The following KAZN variants were observed in gnomAD, a reference collection of about 807,000 sequenced individuals.
KAZN encodes kazrin.
KAZN carries 40 observed loss-of-function variants against 87.4 expected under a neutral mutation model. That is an observed-to-expected ratio of 0.46 (90% CI 0.36 to 0.60). The LOEUF (loss-of-function observed/expected upper bound fraction) is 0.60, where lower values mean the gene tolerates loss of function less well. Ranked by LOEUF, KAZN falls within the 20% of genes least tolerant of loss-of-function variation. KAZN has a pLI of 0.00. For synonymous variants in KAZN, 466 were observed against 458.3 expected (o/e 1.02, Z -0.22); for missense variants, 898 against 1,073.9 (o/e 0.84, Z 2.29).
chr1:14,722,966 T>G (rs1029441080), intron 1 of KAZN, among the ~76,000 whole-genome samples: 3 of 151,998 alleles, frequency 2.0e-5, no homozygotes, highest in African/African-American at 7.2e-5. Context: ...ACAAAAAATT[T>G]TTTTAAAAAC....
At chr1:14,159,014 C>A (rs967619666) in intron 1 of KAZN, among the ~76,000 whole-genome samples, 3 of 152,052 alleles carry the variant, frequency 2.0e-5, no homozygotes, top group Admixed American at 6.5e-5. Context: ...GACACAAGTA[C>A]TCCTGTGGCC....
chr1:14,410,333 C>T (rs1664206435), intron 2 of KAZN, among the ~76,000 whole-genome samples: 1 of 152,178 alleles, frequency 6.6e-6, no homozygotes, highest in Admixed American at 6.5e-5. Flanking sequence ...AACTCATAGC[C>T]TTAAGTGATC....
intron 1 of KAZN, among the ~76,000 whole-genome samples, chr1:14,163,720 C>T (rs1414197756): frequency 6.6e-6 from 1 of 152,216 alleles, no homozygotes; most frequent in East Asian, 1.9e-4. Context: ...GGTTGCCTGA[C>T]ATTCCTGCGT....
chr1:15,030,966 G>C (rs546996626), intron 2 of KAZN, among the ~76,000 whole-genome samples: 3 of 152,362 alleles, frequency 2.0e-5, no homozygotes, highest in Admixed American at 2.0e-4. Flanking sequence ...CCTTCCACCT[G>C]GGGAGCTTAT....
intron 2 of KAZN, among the ~76,000 whole-genome samples, chr1:14,189,460 A>G (rs1646379031): frequency 6.6e-6 from 1 of 152,160 alleles, no homozygotes; most frequent in African/African-American, 2.4e-5. Flanking sequence ...AGCTACTTCT[A>G]TACTTCCTGT....
chr1:14,453,784 C>T (rs191391731), intron 2 of KAZN, among the ~76,000 whole-genome samples: 6 of 152,014 alleles, frequency 3.9e-5, no homozygotes, highest in Admixed American at 1.3e-4. Context: ...TGTGGTGAGC[C>T]GAGATTGCAC....
chr1:14,917,197 A>G (rs1383970807), intron 1 of KAZN, among the ~76,000 whole-genome samples: 1 of 152,120 alleles, frequency 6.6e-6, no homozygotes, highest in African/African-American at 2.4e-5. Flanking sequence ...GGCAGGGTGG[A>G]CCCCGAGTAA....
At position 14,965,982 on chromosome 1, in the gene KAZN, C is replaced by CTTT. The variant is rs71306999; in HGVS notation, c.418+5122_418+5124dup. Reference sequence around the variant, plus strand: ...TTATCTTTTTCTTTCCTTTCCTTTTCTTTTTTTTTTTTTTTTTGAGATAGT... The same window carrying CTTT: ...TTATCTTTTTCTTTCCTTTCCTTTTCTTTTTTTTTTTTTTTTTTTTGAGATAGT... On this transcript the variant is annotated intron_variant, in intron 2 of 14. Coordinates refer to ENST00000376030, the MANE Select transcript of KAZN (RefSeq NM_201628.3). 5.3e-4 allele frequency among the ~76,000 whole-genome samples: 69 copies of CTTT among 129,170 alleles called. 1 individual carries two copies. Among genetic ancestry groups the CTTT allele is most frequent in the African/African-American group, 1.7e-3 (57 of 33,790 alleles). 84.7% of individuals were successfully genotyped at this position (129,170 alleles called of 152,430 possible).
chr1:14,334,459 C>T (rs893131008), intron 2 of KAZN, among the ~76,000 whole-genome samples: 2 of 151,554 alleles, frequency 1.3e-5, no homozygotes, highest in Admixed American at 6.6e-5. Flanking sequence ...TTGGCTTTCA[C>T]CCTGCAGAAA....
chr1:13,955,520 G>A (rs963073584), intron 1 of KAZN, among the ~76,000 whole-genome samples: 11 of 151,870 alleles, frequency 7.2e-5, no homozygotes, highest in African/African-American at 2.2e-4. Flanking sequence ...AGGGATTTTG[G>A]TCTTTCAGGA....
chr1:15,051,774 C>G lies in KAZN; in HGVS notation c.727-4317C>G, dbSNP rs115768119. 1.8e-3 allele frequency among the ~76,000 whole-genome samples: 273 copies of G among 152,322 alleles called. 1 individual carries two copies. Among genetic ancestry groups the G allele is most frequent in the Non-Finnish European group, 3.2e-3 (220 of 68,020 alleles). On this transcript the variant is annotated intron_variant, in intron 4 of 14. Transcript: ENST00000376030. ...GGCCTGGCCACCTCATCACACAACTCCAGAGGGTGCTGCTTACATAAACAT... is the reference window on the plus strand; with the variant it reads ...GGCCTGGCCACCTCATCACACAACTGCAGAGGGTGCTGCTTACATAAACAT...
At chr1:14,343,099 T>C (rs1264359450) in intron 2 of KAZN, among the ~76,000 whole-genome samples, 2 of 152,068 alleles carry the variant, frequency 1.3e-5, no homozygotes, top group African/African-American at 2.4e-5. Context: ...TGAGCCGAGA[T>C]TGCGCCATTG....
At chr1:14,175,792 T>C (rs1031928759) in intron 1 of KAZN, among the ~76,000 whole-genome samples, 1 of 152,130 alleles carries the variant, frequency 6.6e-6, no homozygotes, top group African/African-American at 2.4e-5. Context: ...CTCAGAATGA[T>C]TTGGGAAGAA....
rs1169228367 is a variant in KAZN, at chr1:14,820,459, G to T, written c.227-140225G>T. On this transcript the variant is annotated intron_variant, in intron 1 of 14. Transcript: ENST00000376030. This position sits in a 1 kb window ranked among gnomAD's most constrained non-coding sequence, Gnocchi z 4.1. Reference sequence around the variant, plus strand: ...GGGATGTGTCCCACTGCCCCCGTTTGGTGCCACAGTTGGGTTTATTCTCAC... The same window carrying T: ...GGGATGTGTCCCACTGCCCCCGTTTTGTGCCACAGTTGGGTTTATTCTCAC... Among the ~76,000 whole-genome samples the T allele has an allele frequency of 1.3e-5, 2 of 152,202 alleles. No individual in the cohort carries two copies. The highest frequency in any genetic ancestry group is 2.4e-5 in the African/African-American group (1 of 41,458).
chr1:13,965,354 C>A (rs1199481467), intron 1 of KAZN, among the ~76,000 whole-genome samples: 1 of 152,106 alleles, frequency 6.6e-6, no homozygotes, highest in Non-Finnish European at 1.5e-5. Flanking sequence ...TGGGACGTCA[C>A]ATTCTAGGGC....
intron 2 of KAZN, among the ~76,000 whole-genome samples, chr1:14,515,456 T>C (rs1444137535): frequency 6.6e-6 from 1 of 152,212 alleles, no homozygotes; most frequent in Non-Finnish European, 1.5e-5. Context: ...TCCCACCGTA[T>C]GTGGGAACCA....
In KAZN at chr1:14,934,352, G is replaced by A. The variant is rs560241035; in HGVS notation, c.227-26332G>A. 7.1e-4 allele frequency among the ~76,000 whole-genome samples: 108 copies of A among 151,616 alleles called. 2 individuals are homozygous for A. The East Asian group carries it at 0.014, about 20-fold the overall frequency. On this transcript the variant is annotated intron_variant, in intron 1 of 14. Transcript: ENST00000376030. Reference sequence around the variant, plus strand: ...CTCCCGAGTAGCTGGGATTACAGGCGCCTGCCACCACGCCCGGCTAATTTT... The same window carrying A: ...CTCCCGAGTAGCTGGGATTACAGGCACCTGCCACCACGCCCGGCTAATTTT...
intron 1 of KAZN, among the ~76,000 whole-genome samples, chr1:14,894,139 A>AT (rs1177370876): frequency 1.3e-5 from 2 of 151,954 alleles, no homozygotes; most frequent in Admixed American, 1.3e-4. Context: ...CCTGCCTGCC[A>AT]TCACGCCCAT....
intron 1 of KAZN, among the ~76,000 whole-genome samples, chr1:13,955,634 A>G (rs1417632859): frequency 1.3e-5 from 2 of 152,188 alleles, no homozygotes; most frequent in East Asian, 1.9e-4. Context: ...GAAGGAGAGG[A>G]CAACTGGACA....
Sources: allele counts gnomAD v4.1 joint callset (sites outside exome capture counted in the v4.1 genomes callset), GRCh38; gene constraint gnomAD v4.1.1; non-coding constraint Gnocchi (gnomAD v3.1); transcripts MANE v1.5; gene names NCBI Gene and HGNC (gene_info 2026-07-23, HGNC 2026-07-21).